The following DDX19B variants were observed in gnomAD, a reference collection of about 807,000 sequenced individuals.
The protein encoded by DDX19B is DEAD-box helicase 19B, also known as ATP-dependent RNA helicase DDX19B.
DDX19B carries 27 observed loss-of-function variants against 58.1 expected under a neutral mutation model. The observed-to-expected ratio is 0.46, with a 90% CI of 0.34 to 0.64. The LOEUF is 0.64. Ranked by LOEUF, DDX19B falls within the 30% of genes least tolerant of loss-of-function variation. DDX19B has a pLI of 0.01. For missense variants in DDX19B, 399 were observed against 596.5 expected (o/e 0.67, Z 3.45); for synonymous variants, 187 against 214.4 (o/e 0.87, Z 1.12).
At chr16:70,331,267 C>G (rs1963465428) in intron 9 of DDX19B, among the ~76,000 whole-genome samples, 1 of 151,906 alleles carries the variant, frequency 6.6e-6, no homozygotes, top group African/African-American at 2.4e-5. Flanking sequence ...AGGCTGGTCT[C>G]AAACTCCTGG....
intron 1 of DDX19B, among the ~76,000 whole-genome samples, chr16:70,302,812 T>C (rs1262287709): frequency 6.6e-6 from 1 of 152,256 alleles, no homozygotes; most frequent in African/African-American, 2.4e-5. Context: ...TTGTAAGTTA[T>C]GTGCCAAACT....
intron 1 of DDX19B, among the ~76,000 whole-genome samples, chr16:70,301,984 G>A (rs992574876): frequency 1.3e-5 from 2 of 149,972 alleles, no homozygotes; most frequent in African/African-American, 4.9e-5. Flanking sequence ...GCAATGGCAC[G>A]ATCTTGGCTC....
chr16:70,306,258 C>T (rs1490810000), intron 1 of DDX19B, among the ~76,000 whole-genome samples: 1 of 151,946 alleles, frequency 6.6e-6, no homozygotes, highest in African/African-American at 2.4e-5. Flanking sequence ...CTCATGCAGT[C>T]CTCCCACCTC....
chr16:70,294,892 T>A, upstream of DDX19B: 2 of 1,527,912 alleles, frequency 1.3e-6, no homozygotes, highest in Non-Finnish European at 1.7e-6. Context: ...CTGCGGCGGT[T>A]TCCCATCACC....
chr16:70,314,813 A>G (rs758177841), intron 2 of DDX19B, 89 bp from the exon 3 acceptor site: 1 of 1,479,584 alleles, frequency 6.8e-7, no homozygotes, highest in Admixed American at 1.7e-5. Flanking sequence ...AGGCCTTTAC[A>G]AAAACTTCTA....
chr16:70,326,739 T>C (rs1461517297), intron 7 of DDX19B, among the ~76,000 whole-genome samples: 8 of 152,102 alleles, frequency 5.3e-5, no homozygotes, highest in African/African-American at 1.9e-4. Flanking sequence ...TTTCACCACG[T>C]TGGCCAGGCT....
chr16:70,327,551 A>T (rs950229741), intron 7 of DDX19B, among the ~76,000 whole-genome samples: 3 of 142,040 alleles, frequency 2.1e-5, no homozygotes, highest in Non-Finnish European at 4.7e-5. Flanking sequence ...ACAAACAAAA[A>T]AAAACAAACA....
At chr16:70,294,891 T>C, upstream of DDX19B, 1 of 1,527,470 alleles carries the variant, frequency 6.5e-7, no homozygotes, top group Non-Finnish European at 8.7e-7. Flanking sequence ...CCTGCGGCGG[T>C]TTCCCATCAC....
intron 3 of DDX19B, chr16:70,315,624 G>GT (rs535347955): frequency 0.016 from 2,647 of 162,904 alleles, 1 homozygote; most frequent in East Asian, 0.028. Context: ...GTTAATTCCT[G>GT]TTTTTTTTTT....
At chr16:70,301,580 G>A (rs1429264592) in intron 1 of DDX19B, among the ~76,000 whole-genome samples, 1 of 151,724 alleles carries the variant, frequency 6.6e-6, no homozygotes, top group African/African-American at 2.4e-5. Flanking sequence ...AAAAACTCTT[G>A]TTCTTCAGTT....
chr16:70,329,961 A>G lies in DDX19B; in HGVS notation c.916A>G (p.Thr306Ala). 1 of 1,614,214 alleles carries G rather than the reference A, an allele frequency of 6.2e-7. No homozygotes were observed. The highest frequency in any genetic ancestry group is 8.5e-7 in the Non-Finnish European group (1 of 1,180,040). Residue 306 changes from threonine to alanine, a missense_variant, in exon 9 of 12, where the codon ACC (threonine) becomes GCC (alanine). Thr to Ala is a moderately conservative substitution (Grantham distance 58, BLOSUM62 0). Coordinates refer to ENST00000288071, the MANE Select transcript of DDX19B (RefSeq NM_007242.7). The part of the protein sequence containing the change: ...KLKREEETLD[T>A]IKQYYVLCSS... ...GAAGCGTGAGGAAGAGACCCTGGAC[A>G]CCATCAAGCAGTACTATGTCCTGTG...
intron 5 of DDX19B, among the ~76,000 whole-genome samples, chr16:70,322,324 C>G (rs1331163676): frequency 6.6e-6 from 1 of 152,114 alleles, no homozygotes; most frequent in East Asian, 1.9e-4. Context: ...GGCGCAGTGG[C>G]TTACAACTGT....
intron 5 of DDX19B, among the ~76,000 whole-genome samples, chr16:70,320,098 T>C (rs1962685206): frequency 6.6e-6 from 1 of 152,062 alleles, no homozygotes; most frequent in Non-Finnish European, 1.5e-5. Flanking sequence ...ATCTAATATT[T>C]TTGTAGATGC....
intron 1 of DDX19B, among the ~76,000 whole-genome samples, chr16:70,301,517 G>C (rs1490238374): frequency 1.3e-5 from 2 of 151,996 alleles, no homozygotes; most frequent in Non-Finnish European, 2.9e-5. Flanking sequence ...GTCTTGGTAT[G>C]GGTGTATTTT....
upstream of DDX19B, among the ~76,000 whole-genome samples, chr16:70,292,807 C>T (rs76001455): frequency 3.7e-3 from 559 of 151,028 alleles, 2 homozygotes; most frequent in African/African-American, 0.012. Context: ...CAGCCTGGGC[C>T]GCAGAGTGAA....
intron 1 of DDX19B, among the ~76,000 whole-genome samples, chr16:70,299,589 A>G (rs1961377399): frequency 6.6e-6 from 1 of 152,112 alleles, no homozygotes. Flanking sequence ...TCCTGGAACC[A>G]GGAAGAATCA....
chr16:70,333,868 A>T lies in DDX19B; in HGVS notation c.*286A>T, dbSNP rs192524377. On this transcript the variant is annotated 3_prime_UTR_variant, in exon 12 of 12. Transcript: ENST00000288071. ...TTTGGCCAGTGTTTCCTTCATGCTAATCTAGATGCTGTGGCTGATTACTTG... is the reference window on the plus strand; with the variant it reads ...TTTGGCCAGTGTTTCCTTCATGCTATTCTAGATGCTGTGGCTGATTACTTG... 15 of 508,976 alleles carry T rather than the reference A, an allele frequency of 2.9e-5. No homozygotes were observed. The highest frequency in any genetic ancestry group is 1.9e-4 in the African/African-American group (10 of 51,896). The allele number at this position is 508,976 out of a possible 1,614,324, so 31.5% of individuals were successfully genotyped here. A position where few individuals can be genotyped will look rare whatever the true frequency, so the allele number is the denominator to read the frequency against.
chr16:70,292,873 A>C (rs938153378), upstream of DDX19B, among the ~76,000 whole-genome samples: 4 of 152,104 alleles, frequency 2.6e-5, no homozygotes, highest in Non-Finnish European at 4.4e-5. Flanking sequence ...TGGGAGGCCG[A>C]GGCGGGCAGA....
At chr16:70,325,779 TAAAC>T in intron 7 of DDX19B, 91 bp downstream of exon 7, 2 of 928,170 alleles carry the variant, frequency 2.2e-6, no homozygotes, top group South Asian at 2.7e-5. Flanking sequence ...AATAATACAA[TAAAC>T]ACATGTATGT....
Sources: allele counts gnomAD v4.1 joint callset (sites outside exome capture counted in the v4.1 genomes callset), GRCh38; gene constraint gnomAD v4.1.1; transcripts MANE v1.5; gene names NCBI Gene and HGNC (gene_info 2026-07-23, HGNC 2026-07-21).